The following UNC13C variants were observed in gnomAD, a reference collection of about 807,000 sequenced individuals.
UNC13C encodes the protein protein unc-13 homolog C.
UNC13C carries 174 observed loss-of-function variants against 245.4 expected under a neutral mutation model. The ratio of observed to expected loss-of-function variants is 0.71; its 90% CI spans 0.63 to 0.80. UNC13C has a LOEUF of 0.80. Ranked by LOEUF, UNC13C falls within the 30% of genes least tolerant of loss-of-function variation. UNC13C has a pLI of 0.00. For synonymous variants in UNC13C, 992 were observed against 895.1 expected (o/e 1.11, Z -1.93); for missense variants, 2,829 against 2,602.9 (o/e 1.09, Z -1.89).
chr15:54,563,496 C>G (rs1027303758), intron 29 of UNC13C, among the ~76,000 whole-genome samples: 15 of 151,938 alleles, frequency 9.9e-5, no homozygotes, highest in Non-Finnish European at 1.8e-4. Context: ...AACATCTGAA[C>G]AAATCAAACT....
chr15:54,127,239 T>G (rs1345808065), intron 2 of UNC13C, among the ~76,000 whole-genome samples: 1 of 152,128 alleles, frequency 6.6e-6, no homozygotes, highest in Non-Finnish European at 1.5e-5. Context: ...CATTCTACGA[T>G]AAAGACACAT....
Position 54,622,581 on chromosome 15 carries a change from A to AAATATCAATGGCACTAATGTTT in UNC13C, c.6199+164_6199+185dup, listed in dbSNP as rs574784944. 5.1e-3 allele frequency among the ~76,000 whole-genome samples: 773 copies of AAATATCAATGGCACTAATGTTT among 152,332 alleles called. 1 individual carries two copies. The highest frequency in any genetic ancestry group is 0.01 in the Middle Eastern group (3 of 294). On this transcript the variant is annotated intron_variant, in intron 31 of 32. Transcript: ENST00000260323. ...CCCAAACTTTTGATTAAAAATAGAA[A>AAATATCAATGGCACTAATGTTT]AATATCAATGGCACTAATGTTTAGC...
At chr15:53,994,339 G>A (rs1481368182) in intron 1 of UNC13C, among the ~76,000 whole-genome samples, 1 of 151,834 alleles carries the variant, frequency 6.6e-6, no homozygotes, top group African/African-American at 2.4e-5. Flanking sequence ...ATTTATTTAT[G>A]GATTTACTTA....
At chr15:53,953,150 A>G in the UNC13C span, among the ~76,000 whole-genome samples, 1 of 152,248 alleles carries the variant, frequency 6.6e-6, no homozygotes, top group Non-Finnish European at 1.5e-5. Flanking sequence ...GGATTTCGGA[A>G]TGTACTTTCA....
intron 30 of UNC13C, among the ~76,000 whole-genome samples, chr15:54,568,799 C>T (rs755982379): frequency 3.3e-5 from 5 of 152,036 alleles, no homozygotes; most frequent in Non-Finnish European, 7.4e-5. Context: ...GATGAAAATA[C>T]CCTGGACTCA....
chr15:54,252,286 A>C (rs979834660), intron 8 of UNC13C, among the ~76,000 whole-genome samples: 3 of 152,184 alleles, frequency 2.0e-5, no homozygotes, highest in Admixed American at 2.0e-4. Context: ...CATTCGTTAA[A>C]CTGTAGAAAC....
chr15:54,203,376 C>A (rs941668265), intron 4 of UNC13C, among the ~76,000 whole-genome samples: 1 of 151,260 alleles, frequency 6.6e-6, no homozygotes, highest in African/African-American at 2.4e-5. Flanking sequence ...TACTTGTACA[C>A]GCGTTTATAG....
chr15:54,534,087 T>A (rs745492741), intron 26 of UNC13C, among the ~76,000 whole-genome samples: 8 of 152,196 alleles, frequency 5.3e-5, no homozygotes, highest in Non-Finnish European at 8.8e-5. Flanking sequence ...GTGCTGCTGC[T>A]GCCACCAGCA....
intron 4 of UNC13C, among the ~76,000 whole-genome samples, chr15:54,177,802 T>C (rs572506058): frequency 2.0e-5 from 3 of 152,262 alleles, no homozygotes; most frequent in Admixed American, 1.3e-4. Flanking sequence ...CCTGAGTTAG[T>C]AAAATAGAAC....
At chr15:53,863,146 T>C in the UNC13C span, among the ~76,000 whole-genome samples, 1 of 152,160 alleles carries the variant, frequency 6.6e-6, no homozygotes, top group African/African-American at 2.4e-5. Flanking sequence ...ACATTCCCAC[T>C]GCAAATGGAG....
At chr15:54,330,464 C>T (rs1296403103) in intron 14 of UNC13C, among the ~76,000 whole-genome samples, 2 of 151,952 alleles carry the variant, frequency 1.3e-5, no homozygotes, top group Non-Finnish European at 2.9e-5. Context: ...CAACCACCAC[C>T]ATTTGCCCCA....
chr15:54,362,198 T>A (rs2039248763), intron 17 of UNC13C, among the ~76,000 whole-genome samples: 1 of 152,198 alleles, frequency 6.6e-6, no homozygotes, highest in Non-Finnish European at 1.5e-5. Flanking sequence ...TGATTGAGCC[T>A]TCCTGGCACT....
intron 30 of UNC13C, among the ~76,000 whole-genome samples, chr15:54,570,160 A>G (rs1267339913): frequency 6.6e-6 from 1 of 152,120 alleles, no homozygotes; most frequent in Non-Finnish European, 1.5e-5. Context: ...TCCTATCTGT[A>G]CATTTCCTTG....
At chr15:54,485,906 C>G (rs75599816) in intron 19 of UNC13C, among the ~76,000 whole-genome samples, 3,651 of 152,248 alleles carry the variant, frequency 0.024, 50 homozygotes, top group Admixed American at 0.035. Context: ...CATGAGCCAC[C>G]TTCCGTGAGC....
chr15:54,503,740 T>C (rs930377467), intron 22 of UNC13C, among the ~76,000 whole-genome samples: 1 of 152,194 alleles, frequency 6.6e-6, no homozygotes, highest in East Asian at 1.9e-4. Flanking sequence ...TAATTAGCCA[T>C]TTCACAAGAA....
In UNC13C at chr15:54,226,730, C is replaced by G. The variant is rs543392505; in HGVS notation, c.3072-8300C>G. Among the ~76,000 whole-genome samples, 283 of 152,298 alleles carry G rather than the reference C, an allele frequency of 1.9e-3. 1 individual carries two copies. The highest frequency in any genetic ancestry group is 3.4e-3 in the Non-Finnish European group (230 of 68,030). On this transcript the variant is annotated intron_variant, in intron 4 of 32. Coordinates refer to ENST00000260323, the MANE Select transcript of UNC13C (RefSeq NM_001080534.3). ...GAGGCAGGGCAGGCAGCTCCAGGCACCAGCACACATGTTGGCTCTGTGAGA... is the reference window on the plus strand; with the variant it reads ...GAGGCAGGGCAGGCAGCTCCAGGCAGCAGCACACATGTTGGCTCTGTGAGA...
At chr15:54,254,693 C>G (rs900529123) in intron 8 of UNC13C, among the ~76,000 whole-genome samples, 1 of 152,210 alleles carries the variant, frequency 6.6e-6, no homozygotes, top group Admixed American at 6.5e-5. Flanking sequence ...AAGCGAATAG[C>G]GTAAGCAGGA....
At chr15:54,358,404 G>C (rs991894924) in intron 17 of UNC13C, among the ~76,000 whole-genome samples, 8 of 151,928 alleles carry the variant, frequency 5.3e-5, no homozygotes, top group African/African-American at 1.9e-4. Flanking sequence ...AGCTCCCTTT[G>C]GGTAGTACAG....
intron 20 of UNC13C, among the ~76,000 whole-genome samples, chr15:54,499,115 G>A (rs921874011): frequency 6.6e-6 from 1 of 152,024 alleles, no homozygotes; most frequent in South Asian, 2.1e-4. Context: ...GAAGCATAGT[G>A]GCTTCTGCTT....
Sources: gnomAD v4.1 joint callset for allele counts (sites outside exome capture counted in the v4.1 genomes callset) on GRCh38, gnomAD v4.1.1 for gene constraint, MANE v1.5 for transcripts, NCBI Gene and HGNC (gene_info 2026-07-23, HGNC 2026-07-21) for gene names.